The following ZNF654 variants were observed in gnomAD, a reference collection of about 807,000 sequenced individuals.
ZNF654 encodes melanoma-associated antigen.
ZNF654 carries 19 observed loss-of-function variants against 95.3 expected under a neutral mutation model. The observed-to-expected ratio is 0.20, with a 90% CI of 0.14 to 0.29. ZNF654 has a LOEUF of 0.29. Ranked by LOEUF, ZNF654 falls within the 10% of genes least tolerant of loss-of-function variation. The pLI is 1.00. For missense variants in ZNF654, 1,046 were observed against 1,341.0 expected (o/e 0.78, Z 3.44); for synonymous variants, 413 against 457.9 (o/e 0.90, Z 1.25).
At chr3:88,126,712 A>AT (rs1706126873) in intron 4 of ZNF654, among the ~76,000 whole-genome samples, 1 of 150,974 alleles carries the variant, frequency 6.6e-6, no homozygotes, top group Non-Finnish European at 1.5e-5. Context: ...ACTACTGCAT[A>AT]TCCTATAGCT....
intron 3 of ZNF654, among the ~76,000 whole-genome samples, chr3:88,114,953 T>C (rs9861398): frequency 0.71 from 107,531 of 152,162 alleles, 41,730 homozygotes; most frequent in South Asian, 0.91. Flanking sequence ...GAAATATTTT[T>C]CATAAATTAT....
chr3:88,137,028 C>G (rs1313382218), intron 7 of ZNF654, among the ~76,000 whole-genome samples: 1 of 151,774 alleles, frequency 6.6e-6, no homozygotes, highest in African/African-American at 2.4e-5. Flanking sequence ...AACCCCATCT[C>G]TACTAAAAAT....
intron 3 of ZNF654, among the ~76,000 whole-genome samples, chr3:88,121,702 A>C (rs1423266010): frequency 6.6e-6 from 1 of 152,220 alleles, no homozygotes; most frequent in African/African-American, 2.4e-5. Context: ...ATTTATGATT[A>C]TTCTCATCTC....
intron 3 of ZNF654, among the ~76,000 whole-genome samples, chr3:88,122,386 G>A (rs766235067): frequency 3.9e-5 from 6 of 152,116 alleles, no homozygotes; most frequent in Non-Finnish European, 8.8e-5. Flanking sequence ...AACTGCTGAC[G>A]GATCCAGACC....
chr3:88,079,695 A>G (rs1286450472), intron 1 of ZNF654, among the ~76,000 whole-genome samples: 1 of 151,986 alleles, frequency 6.6e-6, no homozygotes, highest in East Asian at 1.9e-4. Context: ...TAACAGTATG[A>G]TTGTATGGAA....
At chr3:88,080,588 A>T (rs1708027205) in intron 1 of ZNF654, among the ~76,000 whole-genome samples, 1 of 152,168 alleles carries the variant, frequency 6.6e-6, no homozygotes, top group South Asian at 2.1e-4. Context: ...ATTCAAACCT[A>T]GGTCTGTCTG....
chr3:88,116,839 T>C (rs112329590), intron 3 of ZNF654, among the ~76,000 whole-genome samples: 1,567 of 152,252 alleles, frequency 0.01, 26 homozygotes, highest in African/African-American at 0.035. Flanking sequence ...ACTTTCTTCT[T>C]CTCTCTTTGT....
At chr3:88,070,561 CTGTTTTTTTTTT>C (rs768293440) in intron 1 of ZNF654, among the ~76,000 whole-genome samples, 1 of 92,662 alleles carries the variant, frequency 1.1e-5, no homozygotes, top group Non-Finnish European at 2.1e-5. Flanking sequence ...GCAACACTGC[CTGTTTTTTTTTT>C]TTTTTTTTTT....
intron 1 of ZNF654, among the ~76,000 whole-genome samples, chr3:88,074,759 C>G (rs929850221): frequency 2.0e-5 from 3 of 152,208 alleles, no homozygotes; most frequent in African/African-American, 7.2e-5. Flanking sequence ...ATACTATGTA[C>G]TAAATTCAGG....
intron 7 of ZNF654, among the ~76,000 whole-genome samples, chr3:88,136,548 T>C (rs1294283140): frequency 2.0e-5 from 3 of 152,060 alleles, no homozygotes; most frequent in Non-Finnish European, 4.4e-5. Context: ...GACATGAGGG[T>C]AGTACTAACA....
intron 1 of ZNF654, among the ~76,000 whole-genome samples, chr3:88,064,433 T>A (rs1317755096): frequency 6.6e-6 from 1 of 152,176 alleles, no homozygotes; most frequent in African/African-American, 2.4e-5. Flanking sequence ...TTCAGTGTCT[T>A]CAGAGAATTA....
chr3:88,059,942 C>T (rs1427886837), intron 1 of ZNF654, among the ~76,000 whole-genome samples: 2 of 151,926 alleles, frequency 1.3e-5, no homozygotes, highest in African/African-American at 4.8e-5. Flanking sequence ...CCTTTTTTTC[C>T]GGGATGGGAG....
intron 1 of ZNF654, among the ~76,000 whole-genome samples, chr3:88,065,552 G>C (rs1156569082): frequency 1.3e-5 from 2 of 152,040 alleles, no homozygotes; most frequent in East Asian, 3.8e-4. Flanking sequence ...TAAATAAAAA[G>C]ACTGAAATAT....
intron 1 of ZNF654, among the ~76,000 whole-genome samples, chr3:88,062,837 CAGAT>C (rs1316269183): frequency 2.0e-5 from 3 of 152,134 alleles, no homozygotes; most frequent in Admixed American, 6.5e-5. Context: ...ACGTAGCACA[CAGAT>C]AGACTTAAAT....
At chr3:88,083,674 T>C (rs1448523645) in intron 1 of ZNF654, among the ~76,000 whole-genome samples, 1 of 151,992 alleles carries the variant, frequency 6.6e-6, no homozygotes, top group Non-Finnish European at 1.5e-5. Context: ...TAGACCATTT[T>C]CTTTAAAAGT....
At chr3:88,138,593 A>G (rs992706133) in intron 7 of ZNF654, 112 bp from the exon 8 acceptor site, 1 of 566,162 alleles carries the variant, frequency 1.8e-6, no homozygotes, top group African/African-American at 1.9e-5. Flanking sequence ...TGGACATTGG[A>G]ATACTATGTT....
intron 7 of ZNF654, 63 bp downstream of exon 7, chr3:88,135,265 C>T: frequency 8.0e-7 from 1 of 1,256,482 alleles, no homozygotes; most frequent in Non-Finnish European, 1.0e-6. Context: ...AAACTTGAAT[C>T]TCTTTTGATA....
At chr3:88,088,490 T>TA (rs1248374306) in intron 2 of ZNF654, among the ~76,000 whole-genome samples, 1 of 152,090 alleles carries the variant, frequency 6.6e-6, no homozygotes, top group African/African-American at 2.4e-5. Context: ...AATAATGAGA[T>TA]ATGAAAAATG....
chr3:88,128,542 AT>A (rs201429875), intron 4 of ZNF654, among the ~76,000 whole-genome samples: 2 of 151,724 alleles, frequency 1.3e-5, no homozygotes, highest in African/African-American at 2.4e-5. Context: ...AAGAAAAAAA[AT>A]TTTTTTTTAA....
Sources: gnomAD v4.1 joint callset for allele counts (sites outside exome capture counted in the v4.1 genomes callset) on GRCh38, gnomAD v4.1.1 for gene constraint, MANE v1.5 for transcripts, NCBI Gene and HGNC (gene_info 2026-07-23, HGNC 2026-07-21) for gene names.